The following DOP1B variants were observed in gnomAD, a reference collection of about 807,000 sequenced individuals.
DOP1B encodes the protein DOP1 leucine zipper like protein B.
DOP1B carries 174 observed loss-of-function variants against 233.5 expected under a neutral mutation model. That is an observed-to-expected ratio of 0.75 (90% CI 0.66 to 0.85). The LOEUF is 0.85. DOP1B is among the 40% of genes least tolerant of loss of function. DOP1B has a pLI of 0.00. For missense variants in DOP1B, 2,652 were observed against 2,846.6 expected (o/e 0.93, Z 1.56); for synonymous variants, 1,190 against 1,185.6 (o/e 1.00, Z -0.08).
chr21:36,233,024 C>G lies in DOP1B; in HGVS notation c.2571C>G (p.Pro857=), dbSNP rs1392762694. The change falls in exon 15 of 37, where the codon CCC becomes CCG. Residue 857 remains proline, a synonymous_variant. Coordinates refer to ENST00000691173, the MANE Select transcript of DOP1B (RefSeq NM_001320714.2). ...FGKLQMVTVP[P]IAPGILKVIA... is the part of the protein sequence containing the mutation. ...AGCTGCAGATGGTGACGGTTCCTCC[C>G]ATTGCTCCAGGGATATTGAAAGTCA... is the stretch of plus-strand genomic sequence containing the variant. 6.2e-7 allele frequency: 1 copy of G among 1,613,988 alleles called. No homozygotes were observed. The highest frequency in any genetic ancestry group is 8.5e-7 in the Non-Finnish European group (1 of 1,180,004).
chr21:36,278,188 T>C, intron 29 of DOP1B, 21 bp from the exon 30 acceptor site: 1 of 1,613,660 alleles, frequency 6.2e-7, no homozygotes, highest in Non-Finnish European at 8.5e-7. Flanking sequence ...TTGACCCTTC[T>C]CTCTTCCCAC....
intron 9 of DOP1B, among the ~76,000 whole-genome samples, chr21:36,217,841 C>T (rs1261157835): frequency 6.6e-6 from 1 of 152,176 alleles, no homozygotes; most frequent in Non-Finnish European, 1.5e-5. Flanking sequence ...TGTGTAACTT[C>T]AGGGAAGTAT....
At chr21:36,170,119 C>T (rs960029954) in intron 2 of DOP1B, 6 of 595,012 alleles carry the variant, frequency 1.0e-5, no homozygotes, top group South Asian at 1.7e-5. Flanking sequence ...CCTATTTCTT[C>T]ACTCCTATGG....
chr21:36,271,107 GAAAAGATGTTGGAAAGTTAAA>G (rs1372485790), intron 27 of DOP1B, among the ~76,000 whole-genome samples: 1 of 150,636 alleles, frequency 6.6e-6, no homozygotes, highest in African/African-American at 2.5e-5. Flanking sequence ...ACTGGTAAGG[GAAAAGATGTTGGAAAGTTAAA>G]AAAAAAAAAA....
At chr21:36,201,345 C>CTTTTTTTTTTT (rs1172730528) in intron 4 of DOP1B, among the ~76,000 whole-genome samples, 955 of 83,210 alleles carry the variant, frequency 0.011, 121 homozygotes, top group African/African-American at 0.02. Flanking sequence ...CTATTGGATT[C>CTTTTTTTTTTT]TTTTTTTTTT....
chr21:36,166,461 G>T (rs1028558578), intron 2 of DOP1B, among the ~76,000 whole-genome samples: 1 of 151,782 alleles, frequency 6.6e-6, no homozygotes, highest in Non-Finnish European at 1.5e-5. Context: ...TGTCTTCCAC[G>T]AAACTGGTCC....
In DOP1B at chr21:36,223,272, CG is replaced by C; in HGVS notation, c.1294del (p.Val432Ter). 6.2e-7 allele frequency: 1 copy of C among 1,608,140 alleles called. No individual in the cohort carries two copies. The highest frequency in any genetic ancestry group is 8.5e-7 in the Non-Finnish European group (1 of 1,178,536). ...AGAAATGCCTCTGAGATTGTCAAAA[CG>C]GTAAATTTGCTGATAACTTCTCTAA... is the stretch of plus-strand genomic sequence containing the variant. ...ENRNASEIVK[T>X]VNLLITSLST... On this transcript the variant is annotated frameshift_variant, in exon 11 of 37. Transcript: ENST00000691173. LOFTEE classifies it high-confidence loss of function.
intron 27 of DOP1B, among the ~76,000 whole-genome samples, chr21:36,272,774 C>G (rs2067303542): frequency 6.6e-6 from 1 of 151,738 alleles, no homozygotes. Flanking sequence ...CACCTGAGGT[C>G]CAGAGTTCGA....
chr21:36,184,389 G>A (rs573281734), intron 2 of DOP1B, among the ~76,000 whole-genome samples: 35 of 152,076 alleles, frequency 2.3e-4, no homozygotes, highest in African/African-American at 8.0e-4. Flanking sequence ...TCGCTATGTT[G>A]CCCAGGCTGG....
intron 2 of DOP1B, among the ~76,000 whole-genome samples, chr21:36,181,813 A>G (rs923805670): frequency 2.1e-5 from 3 of 143,392 alleles, no homozygotes; most frequent in African/African-American, 8.3e-5. Context: ...GGCTGGGCCC[A>G]GTGCCTGCAC....
intron 35 of DOP1B, among the ~76,000 whole-genome samples, chr21:36,290,163 A>ATTT: frequency 6.6e-6 from 1 of 152,348 alleles, no homozygotes; most frequent in South Asian, 2.1e-4. Context: ...ATGTACGGGA[A>ATTT]CTACTTTCTA....
At chr21:36,260,544 T>C (rs1292335702) in intron 23 of DOP1B, 133 bp from the exon 24 acceptor site, 1 of 1,192,468 alleles carries the variant, frequency 8.4e-7, no homozygotes, top group African/African-American at 1.5e-5. Flanking sequence ...TCATGTCTGT[T>C]GTTATATCTG....
Position 36,200,382 on chromosome 21 carries a change from G to GCTGCTCACCCTGTA in DOP1B, c.374_387dup (p.Glu130CysfsTer46), listed in dbSNP as rs772682598. 6.2e-7 allele frequency: 1 copy of GCTGCTCACCCTGTA among 1,613,368 alleles called. No individual in the cohort carries two copies. The highest frequency in any genetic ancestry group is 8.5e-7 in the Non-Finnish European group (1 of 1,179,880). On this transcript the variant is annotated frameshift_variant, in exon 4 of 37. Transcript: ENST00000691173. LOFTEE classifies it high-confidence loss of function. Reference sequence around the variant, plus strand: ...ACGCGGCGGTGTCGGTGAGGCCGGTGCTGCTCACCCTGTACGAGAAGTACT... The same window carrying GCTGCTCACCCTGTA: ...ACGCGGCGGTGTCGGTGAGGCCGGTGCTGCTCACCCTGTACTGCTCACCCTGTACGAGAAGTACT...
intron 23 of DOP1B, 129 bp downstream of exon 23, chr21:36,254,038 T>C: frequency 8.1e-7 from 1 of 1,239,616 alleles, no homozygotes; most frequent in Non-Finnish European, 1.1e-6. Context: ...ATGCTTGGGG[T>C]AGTGAAGTGG....
rs760745223 is a variant in DOP1B at position 36,253,753 on chromosome 21, C to CT, written c.5122-9dup. ...TTTCTCTCTATAAGCTTTCAAGGAA[C>CT]TTTTTTTTTTCTTGGCAGATTATCC... On this transcript the variant is annotated intron_variant, in intron 22 of 36. Transcript: ENST00000691173. The CT allele has an allele frequency of 2.3e-3, 3,334 of 1,425,396 alleles. No homozygotes were observed. The highest frequency in any genetic ancestry group is 4.8e-3 in the South Asian group (374 of 77,426). The allele number at this position is 1,425,396 out of a possible 1,614,324, so 88.3% of individuals were successfully genotyped here.
intron 17 of DOP1B, 117 bp from the exon 18 acceptor site, chr21:36,239,648 T>C: frequency 8.4e-7 from 1 of 1,196,426 alleles, no homozygotes. Flanking sequence ...GAAGTCCAGC[T>C]TGGGTGGAGG....
chr21:36,218,564 A>G (rs2066587120), intron 9 of DOP1B, among the ~76,000 whole-genome samples: 2 of 152,158 alleles, frequency 1.3e-5, no homozygotes, highest in South Asian at 2.1e-4. Flanking sequence ...AAAAATACAC[A>G]GGAAACTTAG....
At chr21:36,180,511 C>T (rs1429517066) in intron 2 of DOP1B, among the ~76,000 whole-genome samples, 1 of 151,900 alleles carries the variant, frequency 6.6e-6, no homozygotes, top group Admixed American at 6.6e-5. Flanking sequence ...GCAGAGGTCA[C>T]AGTGAGCTGA....
chr21:36,170,089 C>G (rs770173770), intron 2 of DOP1B: 8 of 663,182 alleles, frequency 1.2e-5, no homozygotes, highest in African/African-American at 1.8e-5. Flanking sequence ...CTTAGGGAAG[C>G]TCTTCACCTT....
Sources: allele counts gnomAD v4.1 joint callset (sites outside exome capture counted in the v4.1 genomes callset), GRCh38; gene constraint gnomAD v4.1.1; transcripts MANE v1.5; gene names NCBI Gene and HGNC (gene_info 2026-07-23, HGNC 2026-07-21).